Variants in ABLIM2 observed in about 807,000 individuals in gnomAD.
ABLIM2 encodes actin binding LIM protein family member 2.
ABLIM2 carries 53 observed loss-of-function variants against 97.7 expected under a neutral mutation model. The observed-to-expected ratio is 0.54, with a 90% CI of 0.44 to 0.68. The LOEUF (loss-of-function observed/expected upper bound fraction) is 0.68. Among genes scored for constraint, ABLIM2 ranks in the 30% least tolerant of loss-of-function variants. The pLI, the probability that ABLIM2 is intolerant of heterozygous loss-of-function variation, is 0.00. For synonymous variants in ABLIM2, 361 were observed against 345.8 expected (o/e 1.04, Z -0.49); for missense variants, 835 against 867.2 (o/e 0.96, Z 0.47).
At chr4:8,092,923 T>A (rs4696753) in intron 3 of ABLIM2, among the ~76,000 whole-genome samples, 38,924 of 152,078 alleles carry the variant, frequency 0.26, 5,232 homozygotes, top group East Asian at 0.32. Flanking sequence ...ATCTTGGCTC[T>A]CTGCAACCTC....
intron 1 of ABLIM2, among the ~76,000 whole-genome samples, chr4:8,126,187 G>A (rs1331614287): frequency 6.6e-6 from 1 of 152,174 alleles, no homozygotes; most frequent in African/African-American, 2.4e-5. Flanking sequence ...AAGAGTCCCA[G>A]TTCCTCTGTG....
At chr4:8,000,600 T>C (rs1272885486) in intron 16 of ABLIM2, among the ~76,000 whole-genome samples, 1 of 152,112 alleles carries the variant, frequency 6.6e-6, no homozygotes, top group African/African-American at 2.4e-5. Flanking sequence ...GGTGCTCTTC[T>C]GGACAGTTCT....
At chr4:8,089,682 CG>C (rs1825988902) in intron 3 of ABLIM2, among the ~76,000 whole-genome samples, 1 of 134,400 alleles carries the variant, frequency 7.4e-6, no homozygotes, top group Non-Finnish European at 1.5e-5. Flanking sequence ...TGCAGTGAGC[CG>C]AGATTGCACC....
chr4:8,133,732 G>A (rs1849768238), intron 1 of ABLIM2, among the ~76,000 whole-genome samples: 1 of 152,210 alleles, frequency 6.6e-6, no homozygotes, highest in African/African-American at 2.4e-5. Flanking sequence ...ATCTCTGCAG[G>A]ACAATGAGCA....
chr4:8,079,192 C>T lies in ABLIM2; in HGVS notation c.582-1471G>A, dbSNP rs1019485940. On this transcript the variant is annotated intron_variant, in intron 5 of 20. Transcript: ENST00000447017. ...TGTGAGGGGGAGACATACAATGAGT[C>T]CTCAGGCTTACTTCCAAATGCCGCT... is the stretch of plus-strand genomic sequence containing the variant. Among the ~76,000 whole-genome samples, 21 of 152,308 alleles carry T rather than the reference C, an allele frequency of 1.4e-4. No individual in the cohort carries two copies. The South Asian group carries it at 2.5e-3, about 18-fold the overall frequency.
chr4:8,129,481 G>A lies in ABLIM2; in HGVS notation c.11-22844C>T, dbSNP rs184790690. 1.2e-3 allele frequency among the ~76,000 whole-genome samples: 187 copies of A among 152,380 alleles called. No individual in the cohort carries two copies. In the South Asian group the frequency reaches 0.016, roughly 13 times the overall value. On this transcript the variant is annotated intron_variant, in intron 1 of 20. Transcript: ENST00000447017. ...TAATTTAAATAAACACATGTGGCCA[G>A]TAGCTACCATATTGTTTCATGCAAT...
chr4:7,974,202 T>C lies in ABLIM2; in HGVS notation c.1825-7099A>G, dbSNP rs369102581. 1.7e-4 allele frequency among the ~76,000 whole-genome samples: 26 copies of C among 152,104 alleles called. No homozygotes were observed. The South Asian group carries it at 5.2e-3, about 30-fold the overall frequency. On this transcript the variant is annotated intron_variant, in intron 20 of 20. Transcript: ENST00000447017. Reference sequence around the variant, plus strand: ...ATCTATCTATCTATCCATCCATCCATCCACCCACCTACCTACCCATCCATC... The same window carrying C: ...ATCTATCTATCTATCCATCCATCCACCCACCCACCTACCTACCCATCCATC...
chr4:8,122,808 A>G lies in ABLIM2; in HGVS notation c.11-16171T>C, dbSNP rs1332601879. Among the ~76,000 whole-genome samples the G allele has an allele frequency of 1.3e-5, 2 of 152,054 alleles. No individual in the cohort carries two copies. Among genetic ancestry groups the G allele is most frequent in the Non-Finnish European group, 2.9e-5 (2 of 67,996 alleles). On this transcript the variant is annotated intron_variant, in intron 1 of 20. Transcript: ENST00000447017. The surrounding 1 kb of genome is among the most constrained non-coding windows in gnomAD (Gnocchi z 4.1). ...TTACGGATGGGCAAACAGAGGTTCC[A>G]AGCAGGAATGCACCTCCCCAGGCCA...
At chr4:8,157,309 C>G (rs953362930) in intron 1 of ABLIM2, among the ~76,000 whole-genome samples, 1 of 152,220 alleles carries the variant, frequency 6.6e-6, no homozygotes, top group Non-Finnish European at 1.5e-5. Flanking sequence ...TAAAATTACT[C>G]TGTGTGCACC....
intron 14 of ABLIM2, among the ~76,000 whole-genome samples, chr4:8,011,164 G>A (rs1764696831): frequency 6.6e-6 from 1 of 152,244 alleles, no homozygotes; most frequent in Non-Finnish European, 1.5e-5. Flanking sequence ...TGGCTTCAGG[G>A]ACTTTCCTTG....
At position 8,147,342 on chromosome 4, in the gene ABLIM2, C is replaced by T. The variant is rs1025966893; in HGVS notation, c.10+11338G>A. Among the ~76,000 whole-genome samples, 3 of 152,184 alleles carry T rather than the reference C, an allele frequency of 2.0e-5. No individual in the cohort carries two copies. Among genetic ancestry groups the T allele is most frequent in the Admixed American group, 6.5e-5 (1 of 15,278 alleles). On this transcript the variant is annotated intron_variant, in intron 1 of 20. Coordinates refer to ENST00000447017, the MANE Select transcript of ABLIM2 (RefSeq NM_001130083.2). This position sits in a 1 kb window ranked among gnomAD's most constrained non-coding sequence, Gnocchi z 5.3. Reference sequence around the variant, plus strand: ...GAAGAAAAGGTATTGACCCGGTAAACAGGATGCACCAAGAGACTACCTGTG... The same window carrying T: ...GAAGAAAAGGTATTGACCCGGTAAATAGGATGCACCAAGAGACTACCTGTG...
intron 7 of ABLIM2, among the ~76,000 whole-genome samples, chr4:8,055,578 G>A (rs1272948810): frequency 2.6e-5 from 4 of 152,206 alleles, no homozygotes; most frequent in Non-Finnish European, 5.9e-5. Context: ...GCTGACTTGT[G>A]TATCCCACAA....
intron 1 of ABLIM2, among the ~76,000 whole-genome samples, chr4:8,151,770 C>T (rs1047368907): frequency 1.1e-4 from 17 of 148,484 alleles, no homozygotes; most frequent in South Asian, 2.2e-4. Context: ...GGGCTGGAGA[C>T]GCTGCTGGGC....
chr4:8,104,320 T>C (rs1317655381), intron 2 of ABLIM2, among the ~76,000 whole-genome samples: 2 of 152,180 alleles, frequency 1.3e-5, no homozygotes, highest in African/African-American at 4.8e-5. Context: ...TCTTCCAAAG[T>C]AGCCCCCAGA....
At position 8,124,823 on chromosome 4, in the gene ABLIM2, G is replaced by A. The variant is rs1478452879; in HGVS notation, c.11-18186C>T. Among the ~76,000 whole-genome samples the A allele has an allele frequency of 6.6e-6, 1 of 152,112 alleles. No individual in the cohort carries two copies. On this transcript the variant is annotated intron_variant, in intron 1 of 20. Coordinates refer to ENST00000447017, the MANE Select transcript of ABLIM2 (RefSeq NM_001130083.2). This position sits in a 1 kb window ranked among gnomAD's most constrained non-coding sequence, Gnocchi z 6.1. ...GGTCACTCTGTGTGCCACCTTTCAA[G>A]GAACAGTCAGACTATTTTCCACACC...
intron 20 of ABLIM2, among the ~76,000 whole-genome samples, chr4:7,973,667 C>T (rs1429540033): frequency 6.6e-6 from 1 of 152,184 alleles, no homozygotes; most frequent in Non-Finnish European, 1.5e-5. Context: ...ACAAAAACTC[C>T]TGTGGCTACG....
chr4:8,030,220 T>C (rs893937328), intron 10 of ABLIM2, among the ~76,000 whole-genome samples: 25 of 151,730 alleles, frequency 1.6e-4, no homozygotes, highest in African/African-American at 5.6e-4. Flanking sequence ...CATTTGGAGG[T>C]AGAAAGTTAC....
At chr4:8,144,169 T>A (rs1057381101) in intron 1 of ABLIM2, among the ~76,000 whole-genome samples, 14 of 152,310 alleles carry the variant, frequency 9.2e-5, no homozygotes, top group African/African-American at 3.1e-4. Context: ...AGGGAAGGGA[T>A]CAAAGCACCC....
At position 8,075,825 on chromosome 4, in the gene ABLIM2, C is replaced by A. The variant is rs577021786; in HGVS notation, c.675+1803G>T. Among the ~76,000 whole-genome samples the A allele has an allele frequency of 1.9e-4, 29 of 152,248 alleles. No homozygotes were observed. The highest frequency in any genetic ancestry group is 5.5e-4 in the African/African-American group (23 of 41,546). ...ATGCTTATGGGGAGTTTATAATAAACTGGAAATCTGCTAAATAGGAAATAT... is the reference window on the plus strand; with the variant it reads ...ATGCTTATGGGGAGTTTATAATAAAATGGAAATCTGCTAAATAGGAAATAT... On this transcript the variant is annotated intron_variant, in intron 6 of 20. Transcript: ENST00000447017. The surrounding 1 kb of genome is among the most constrained non-coding windows in gnomAD (Gnocchi z 4.4).
Sources: gnomAD v4.1 joint callset for allele counts (sites outside exome capture counted in the v4.1 genomes callset) on GRCh38, gnomAD v4.1.1 for gene constraint, Gnocchi (gnomAD v3.1) non-coding constraint, MANE v1.5 for transcripts, NCBI Gene and HGNC (gene_info 2026-07-23, HGNC 2026-07-21) for gene names.